ITIH5: variants seen among roughly 807,000 people sequenced by gnomAD.
ITIH5 encodes the protein inter-alpha-trypsin inhibitor heavy chain H5.
A neutral mutation model predicts 77.5 loss-of-function variants in ITIH5; 65 were observed. The observed-to-expected ratio is 0.84, with a 90% confidence interval of 0.69 to 1.03. The LOEUF is 1.03. Among genes scored for constraint, ITIH5 ranks in the 50% least tolerant of loss-of-function variants. The pLI is 0.00. For missense variants in ITIH5, 1,208 were observed against 1,213.1 expected, an observed-to-expected ratio of 1.00 and a Z score of 0.06; for synonymous variants, 525 against 494.3, an observed-to-expected ratio of 1.06 and a Z score of -0.82.
Position 7,666,917 on chromosome 10 carries a change from C to CGG in ITIH5, c.-27_-26dup. The CGG allele has an allele frequency of 6.4e-7, 1 of 1,566,234 alleles. No homozygotes were observed. The highest frequency in any genetic ancestry group is 8.6e-7 in the Non-Finnish European group (1 of 1,157,220). ...TGGCGGGGCGAGGGCGCGGGACGCT[C>CGG]GGGGACCCGGCGGGACACGCTTTGC... is the stretch of plus-strand genomic sequence containing the variant. On this transcript the variant is annotated 5_prime_UTR_variant, in exon 1 of 14. Coordinates refer to ENST00000397146, the MANE Select transcript of ITIH5 (RefSeq NM_030569.7).
chr10:7,644,433 A>G (rs1378921169), intron 2 of ITIH5, among the ~76,000 whole-genome samples: 1 of 144,676 alleles, frequency 6.9e-6, no homozygotes, highest in South Asian at 2.1e-4. Flanking sequence ...CACATATATC[A>G]TATATATCAC....
chr10:7,608,220 C>A (rs963275156), intron 7 of ITIH5, among the ~76,000 whole-genome samples: 5 of 152,214 alleles, frequency 3.3e-5, no homozygotes, highest in African/African-American at 1.2e-4. Flanking sequence ...GCAGCTCATG[C>A]TGAGCTTTCC....
chr10:7,662,389 GA>G (rs1409428583), intron 1 of ITIH5, among the ~76,000 whole-genome samples: 1 of 151,898 alleles, frequency 6.6e-6, no homozygotes, highest in Non-Finnish European at 1.5e-5. Context: ...ACAGAGAAAA[GA>G]AAAGAAAAAT....
intron 7 of ITIH5, among the ~76,000 whole-genome samples, chr10:7,611,930 T>TG (rs1554754075): frequency 6.6e-6 from 1 of 151,016 alleles, no homozygotes; most frequent in Admixed American, 6.6e-5. Flanking sequence ...TTTTTTTTTT[T>TG]ACATATTTTG....
At chr10:7,577,104 G>A (rs192113775) in intron 9 of ITIH5, 92 bp from the exon 10 acceptor site, 2 of 1,086,890 alleles carry the variant, frequency 1.8e-6, no homozygotes, top group African/African-American at 1.6e-5. Flanking sequence ...CTCTCAGGGG[G>A]ATGCATCTGA....
intron 11 of ITIH5, chr10:7,572,430 C>A (rs756671414): frequency 2.4e-5 from 32 of 1,354,566 alleles, no homozygotes; most frequent in Non-Finnish European, 3.0e-5. Flanking sequence ...ACAAAGCCTG[C>A]CTGTCACACC....
At position 7,592,039 on chromosome 10, in the gene ITIH5, T is replaced by A. The variant is rs190073628; in HGVS notation, c.940-5970A>T. ...GTGCACGTCACCATGCCCAGCTGATTTTAGTATTTTTAGTAGAGACAGGGT... is the reference window on the plus strand; with the variant it reads ...GTGCACGTCACCATGCCCAGCTGATATTAGTATTTTTAGTAGAGACAGGGT... On this transcript the variant is annotated intron_variant, in intron 7 of 13. Transcript: ENST00000397146. 1.2e-3 allele frequency among the ~76,000 whole-genome samples: 190 copies of A among 152,064 alleles called. 2 individuals are homozygous for A. Among genetic ancestry groups the A allele is most frequent in the Admixed American group, 3.4e-3 (52 of 15,272 alleles).
chr10:7,576,989 G>T lies in ITIH5; in HGVS notation c.1442C>A (p.Pro481Gln). 1.2e-6 allele frequency: 2 copies of T among 1,612,374 alleles called. No homozygotes were observed. The highest frequency in any genetic ancestry group is 1.7e-6 in the Non-Finnish European group (2 of 1,178,784). Residue 481 changes from proline to glutamine, a missense_variant, in exon 10 of 14, where the codon CCG (proline) becomes CAG (glutamine). Physicochemically the swap from Pro to Gln is moderately conservative, Grantham distance 76 (BLOSUM62 -1). Transcript: ENST00000397146. ...ATCGATGCGGATGTCAGAGAGGAGC[G>T]GGGTCCTGATTTCATCGTAGAACCT... ...LIGFYDEIRT[P>Q]LLSDIRIDYP...
chr10:7,563,296 T>A lies in ITIH5; in HGVS notation c.2616A>T (p.Gly872=), dbSNP rs781406958. The change falls in exon 14 of 14, where the codon GGA becomes GGT. Residue 872 remains glycine, a synonymous_variant. Coordinates refer to ENST00000397146, the MANE Select transcript of ITIH5 (RefSeq NM_030569.7). ...CTGTTAGGACGGCCTCAGGCCCCTC[T>A]CCCACCTGAAGGAGCAGAGGGTGAG... is the stretch of plus-strand genomic sequence containing the variant. ...NLTHPLLLQV[G]EGPEAVLTVK... 5 of 1,613,894 alleles carry A rather than the reference T, an allele frequency of 3.1e-6. No homozygotes were observed. In the African/African-American group the frequency reaches 4.0e-5, roughly 13 times the overall value.
chr10:7,595,156 C>T (rs1832869560), intron 7 of ITIH5, among the ~76,000 whole-genome samples: 1 of 152,100 alleles, frequency 6.6e-6, no homozygotes, highest in African/African-American at 2.4e-5. Context: ...GAGTTTGAGG[C>T]TGCAGTGAGC....
intron 8 of ITIH5, 74 bp downstream of exon 8, chr10:7,585,825 CAA>C (rs878937206): frequency 7.9e-3 from 6,612 of 839,334 alleles, no homozygotes; most frequent in African/African-American, 0.012. Context: ...TATCTCTTGG[CAA>C]AAAAAAAAAA....
chr10:7,562,827 C>T lies in ITIH5; in HGVS notation c.*256G>A. ...CATTTAGCTATGACCCTTCTCTCCC[C>T]TCTGTGGATGTGGGCAGGGTGGGGA... is the stretch of plus-strand genomic sequence containing the variant. On this transcript the variant is annotated 3_prime_UTR_variant, in exon 14 of 14. Coordinates refer to ENST00000397146, the MANE Select transcript of ITIH5 (RefSeq NM_030569.7). The T allele has an allele frequency of 1.8e-6, 1 of 547,724 alleles. No homozygotes were observed. Among genetic ancestry groups the T allele is most frequent in the South Asian group, 2.2e-5 (1 of 46,430 alleles). 33.9% of individuals were successfully genotyped at this position (547,724 alleles called of 1,614,324 possible).
chr10:7,581,958 C>A (rs189128613), intron 8 of ITIH5, among the ~76,000 whole-genome samples: 1 of 149,290 alleles, frequency 6.7e-6, no homozygotes, highest in Admixed American at 6.8e-5. Flanking sequence ...TCACTGCAAC[C>A]TCTGCCTCCT....
intron 5 of ITIH5, among the ~76,000 whole-genome samples, chr10:7,632,376 T>C (rs965934568): frequency 6.6e-6 from 1 of 152,282 alleles, no homozygotes; most frequent in South Asian, 2.1e-4. Context: ...ACCCTGATGA[T>C]GGTTGTACAA....
At chr10:7,572,168 C>G (rs1832313903) in intron 11 of ITIH5, 1 of 1,187,810 alleles carries the variant, frequency 8.4e-7, no homozygotes, top group South Asian at 1.6e-5. Context: ...TGTGCGGACT[C>G]TATATCCACA....
chr10:7,651,675 A>G (rs1047362851), intron 2 of ITIH5, among the ~76,000 whole-genome samples: 2 of 151,792 alleles, frequency 1.3e-5, no homozygotes, highest in East Asian at 1.9e-4. Context: ...TACTCCCCCT[A>G]CCCTAAATCT....
chr10:7,666,113 A>G (rs750463764), intron 1 of ITIH5, among the ~76,000 whole-genome samples: 3 of 152,232 alleles, frequency 2.0e-5, no homozygotes, highest in Non-Finnish European at 4.4e-5. Flanking sequence ...ATTAGCTCTC[A>G]ATGCTATTTG....
chr10:7,641,780 ATTT>A, intron 3 of ITIH5, 144 bp downstream of exon 3: 1 of 562,180 alleles, frequency 1.8e-6, no homozygotes, highest in South Asian at 3.7e-5. Context: ...CAACCAATGA[ATTT>A]GAACAAAAGA....
At chr10:7,653,358 C>T (rs557300295) in intron 2 of ITIH5, among the ~76,000 whole-genome samples, 2 of 152,166 alleles carry the variant, frequency 1.3e-5, no homozygotes, top group African/African-American at 2.4e-5. Context: ...AGGCATACAC[C>T]ACCACGCTTG....
Sources: allele counts gnomAD v4.1 joint callset (sites outside exome capture counted in the v4.1 genomes callset), GRCh38; gene constraint gnomAD v4.1.1; transcripts MANE v1.5; gene names NCBI Gene and HGNC (gene_info 2026-07-23, HGNC 2026-07-21).